The following GREB1L variants were observed in gnomAD, a reference collection of about 807,000 sequenced individuals.
GREB1L encodes the protein GREB1-like protein.
A neutral mutation model predicts 200.8 loss-of-function variants in GREB1L; 17 were observed. The ratio of observed to expected loss-of-function variants is 0.08; its 90% CI spans 0.06 to 0.13. The LOEUF is 0.13. GREB1L is among the 10% of genes least tolerant of loss of function. The pLI is 1.00. For missense variants in GREB1L, 1,657 were observed against 2,367.7 expected, an observed-to-expected ratio of 0.70 and a Z score of 6.23; for synonymous variants, 789 against 893.0, an observed-to-expected ratio of 0.88 and a Z score of 2.08.
intron 1 of GREB1L, among the ~76,000 whole-genome samples, chr18:21,273,473 TTAAC>T (rs1262487407): frequency 6.6e-6 from 1 of 152,206 alleles, no homozygotes; most frequent in African/African-American, 2.4e-5. Context: ...TTTGTCATAC[TTAAC>T]TATTTTAATT....
intron 1 of GREB1L, among the ~76,000 whole-genome samples, chr18:21,331,754 T>A (rs2039109688): frequency 6.6e-6 from 1 of 152,192 alleles, no homozygotes; most frequent in Admixed American, 6.5e-5. Context: ...TTTCTTGTAG[T>A]GATATGGCAG....
intron 5 of GREB1L, among the ~76,000 whole-genome samples, chr18:21,398,930 C>T (rs183058130): frequency 7.0e-4 from 107 of 152,242 alleles, no homozygotes; most frequent in Admixed American, 4.1e-3. Context: ...TAAAATCTCC[C>T]TTGAAGGAAG....
intron 1 of GREB1L, chr18:21,363,542 TCTGGAGTTC>T (rs1205797650): frequency 1.3e-5 from 2 of 152,076 alleles, no homozygotes; most frequent in Admixed American, 6.6e-5. Context: ...TGTATTTCTC[TCTGGAGTTC>T]CTGGAGGTGA....
At chr18:21,511,114 C>T (rs1168148335) in intron 27 of GREB1L, among the ~76,000 whole-genome samples, 1 of 152,128 alleles carries the variant, frequency 6.6e-6, no homozygotes, top group Non-Finnish European at 1.5e-5. Context: ...GTGGCTCACA[C>T]CTGTAATCCC....
chr18:21,452,241 G>C, intron 14 of GREB1L, 24 bp downstream of exon 14: 1 of 1,549,232 alleles, frequency 6.5e-7, no homozygotes, highest in Non-Finnish European at 8.7e-7. Flanking sequence ...AGACCAAGAG[G>C]AGGAAGTCAG....
At chr18:21,252,330 G>A (rs1051484472) in intron 1 of GREB1L, among the ~76,000 whole-genome samples, 2 of 152,060 alleles carry the variant, frequency 1.3e-5, no homozygotes, top group African/African-American at 2.4e-5. Flanking sequence ...GGCTGAGGTG[G>A]ATGGATCACC....
In GREB1L at chr18:21,496,587, C is replaced by A; in HGVS notation, c.3280C>A (p.Leu1094Ile). ...VIRGPTVALDLSGKEQERAAV... is the reference protein window; with the variant it reads ...VIRGPTVALDISGKEQERAAV... Reference sequence around the variant, plus strand: ...CCGGGGACCCACTGTTGCCCTGGACCTCAGCGGGAAGGAGCAGGAGAGAGC... The same window carrying A: ...CCGGGGACCCACTGTTGCCCTGGACATCAGCGGGAAGGAGCAGGAGAGAGC... Residue 1094 changes from leucine to isoleucine, a missense_variant, in exon 21 of 33, where the codon CTC (leucine) becomes ATC (isoleucine). Coordinates refer to ENST00000424526, the MANE Select transcript of GREB1L (RefSeq NM_001142966.3). The A allele has an allele frequency of 6.4e-7, 1 of 1,551,684 alleles. No homozygotes were observed. Among genetic ancestry groups the A allele is most frequent in the Non-Finnish European group, 8.7e-7 (1 of 1,147,000 alleles).
chr18:21,449,773 G>A lies in GREB1L; in HGVS notation c.1657G>A (p.Asp553Asn). 1 of 1,550,804 alleles carries A rather than the reference G, an allele frequency of 6.4e-7. No homozygotes were observed. The highest frequency in any genetic ancestry group is 1.2e-5 in the South Asian group (1 of 83,810). Reference protein sequence around the residue: ...SEMRHYQRLPDYVVVICASKI... With the variant: ...SEMRHYQRLPNYVVVICASKI... ...AATGAGACACTATCAAAGGCTGCCA[G>A]ATTATGTGGTGGTAATTTGTGCATC... The change falls in exon 12 of 33, where the codon GAT (aspartate) becomes AAT (asparagine). Residue 553 changes from aspartate to asparagine, a missense_variant. By Grantham distance (23) the Asp-to-Asn change is conservative. This residue lies in a region of GREB1L where 239 missense variants were observed against 421.8 expected (regional missense o/e 0.57). Coordinates refer to ENST00000424526, the MANE Select transcript of GREB1L (RefSeq NM_001142966.3).
chr18:21,347,168 C>T (rs12966347), intron 1 of GREB1L, among the ~76,000 whole-genome samples: 1 of 151,780 alleles, frequency 6.6e-6, no homozygotes. Context: ...GTCCCAGCTA[C>T]TAGGGAGGCT....
intron 11 of GREB1L, among the ~76,000 whole-genome samples, chr18:21,447,175 C>T (rs2034267803): frequency 6.6e-6 from 1 of 152,038 alleles, no homozygotes; most frequent in Non-Finnish European, 1.5e-5. Context: ...ATCTCAGCAC[C>T]TTGGGAGGCT....
At chr18:21,265,425 TGTAAATG>T (rs1332735444) in intron 1 of GREB1L, among the ~76,000 whole-genome samples, 2 of 152,344 alleles carry the variant, frequency 1.3e-5, no homozygotes, top group African/African-American at 4.8e-5. Flanking sequence ...AATTCCTATC[TGTAAATG>T]GTAAAATCAA....
chr18:21,315,830 G>A (rs1048999623), intron 1 of GREB1L, among the ~76,000 whole-genome samples: 13 of 152,114 alleles, frequency 8.5e-5, no homozygotes, highest in South Asian at 2.1e-4. Flanking sequence ...GGAATGTGGT[G>A]GCTTGAGGAG....
intron 11 of GREB1L, among the ~76,000 whole-genome samples, chr18:21,448,748 T>C (rs774602720): frequency 2.6e-5 from 4 of 152,254 alleles, no homozygotes; most frequent in Non-Finnish European, 4.4e-5. Context: ...TTGTGTCATT[T>C]GGATACCAAA....
chr18:21,454,600 C>T lies in GREB1L; in HGVS notation c.2182+37C>T, dbSNP rs145942679. On this transcript the variant is annotated intron_variant, in intron 15 of 32. Coordinates refer to ENST00000424526, the MANE Select transcript of GREB1L (RefSeq NM_001142966.3). ...CTTTCAAAGAGGAGCCCACCTAGAT[C>T]CAGCTTCAGATCCCCTCTGCCTCTT... 3,551 of 1,456,018 alleles carry T rather than the reference C, an allele frequency of 2.4e-3. 7 individuals carry two copies. The highest frequency in any genetic ancestry group is 2.9e-3 in the Non-Finnish European group (3,105 of 1,059,564). 90.2% of individuals were successfully genotyped at this position (1,456,018 alleles called of 1,614,324 possible). A position where few individuals can be genotyped will look rare whatever the true frequency, so the allele number is the denominator to read the frequency against.
At chr18:21,386,731 T>A (rs896963679) in intron 4 of GREB1L, among the ~76,000 whole-genome samples, 4 of 150,842 alleles carry the variant, frequency 2.7e-5, no homozygotes, top group African/African-American at 9.8e-5. Flanking sequence ...GGTCTAGATC[T>A]CCTGACTTCG....
chr18:21,500,098 C>T lies in GREB1L; in HGVS notation c.3761C>T (p.Ser1254Phe), dbSNP rs1395232690. The change falls in exon 22 of 33, where the codon TCC becomes TTC. Residue 1254 changes from serine to phenylalanine, a missense_variant. Transcript: ENST00000424526. ...SQKSGKLPSS[S>F]SLLPHADVAW... is the part of the protein sequence containing the mutation. ...AAGAGTGGCAAGCTGCCATCCTCCT[C>T]CTCCCTGCTGCCCCACGCCGACGTG... The T allele has an allele frequency of 6.4e-7, 1 of 1,551,742 alleles. No homozygotes were observed. Among genetic ancestry groups the T allele is most frequent in the Non-Finnish European group, 8.7e-7 (1 of 1,147,026 alleles).
At chr18:21,420,374 GAAAAA>G (rs1243937747) in intron 7 of GREB1L, among the ~76,000 whole-genome samples, 1 of 109,668 alleles carries the variant, frequency 9.1e-6, no homozygotes, top group Admixed American at 9.9e-5. Context: ...ACTCCATCTC[GAAAAA>G]AAAAAAAAGA....
At chr18:21,339,840 A>T (rs1192090714) in intron 1 of GREB1L, among the ~76,000 whole-genome samples, 1 of 152,234 alleles carries the variant, frequency 6.6e-6, no homozygotes, top group Non-Finnish European at 1.5e-5. Flanking sequence ...TAAAATAATA[A>T]CATTCTTACA....
intron 7 of GREB1L, among the ~76,000 whole-genome samples, chr18:21,411,084 A>G (rs1598783344): frequency 6.6e-6 from 1 of 152,370 alleles, no homozygotes; most frequent in South Asian, 2.1e-4. Context: ...TTGGCAATAA[A>G]TACATGAAAA....
Sources: allele counts gnomAD v4.1 joint callset (sites outside exome capture counted in the v4.1 genomes callset), GRCh38; gene constraint gnomAD v4.1.1; regional missense constraint gnomAD v4.1.1; transcripts MANE v1.5; gene names NCBI Gene and HGNC (gene_info 2026-07-23, HGNC 2026-07-21).